The following NANS variants were observed in gnomAD, a reference collection of about 807,000 sequenced individuals.
NANS encodes the protein N-acetylneuraminate-9-phosphate synthase.
Under a neutral mutation model 33.3 loss-of-function variants are expected in NANS, and 29 were observed. The observed-to-expected ratio is 0.87, with a 90% CI of 0.65 to 1.19. NANS has a LOEUF of 1.19. Ranked by LOEUF, NANS falls within the 50% of genes most tolerant of loss-of-function variation. NANS has a pLI of 0.00. For synonymous variants in NANS, 163 were observed against 177.2 expected (o/e 0.92, Z 0.64); for missense variants, 394 against 461.1 (o/e 0.85, Z 1.33).
chr9:98,063,677 G>T (rs1829052054), intron 2 of NANS, among the ~76,000 whole-genome samples: 1 of 152,096 alleles, frequency 6.6e-6, no homozygotes, highest in Admixed American at 6.6e-5. Context: ...GAGTAGCTGG[G>T]ACTACAGGCA....
In NANS at chr9:98,056,785, G is replaced by A. The variant is rs751762509; in HGVS notation, c.-24G>A. 20 of 1,608,662 alleles carry A rather than the reference G, an allele frequency of 1.2e-5. No individual in the cohort carries two copies. Among genetic ancestry groups the A allele is most frequent in the Non-Finnish European group, 1.6e-5 (19 of 1,178,698 alleles). On this transcript the variant is annotated 5_prime_UTR_variant, in exon 1 of 6. Transcript: ENST00000210444. ...GCGGCCGGACCCAGACTGGTAGTGA[G>A]GCTTTGGACCCCGAGCCGCTGCAAT...
At chr9:98,057,426 A>G (rs1203432158) in intron 1 of NANS, among the ~76,000 whole-genome samples, 1 of 152,092 alleles carries the variant, frequency 6.6e-6, no homozygotes, top group Non-Finnish European at 1.5e-5. Context: ...TTCCCTGTAT[A>G]TGAAATATGA....
intron 2 of NANS, chr9:98,074,948 TC>T (rs1372389292): frequency 2.0e-5 from 3 of 152,150 alleles, no homozygotes; most frequent in African/African-American, 7.2e-5. Flanking sequence ...TGATGTTTTT[TC>T]AGTTCTGTCT....
At chr9:98,070,097 T>C (rs541885145) in intron 2 of NANS, among the ~76,000 whole-genome samples, 1 of 152,294 alleles carries the variant, frequency 6.6e-6, no homozygotes, top group South Asian at 2.1e-4. Flanking sequence ...AGTTTAAAAT[T>C]AAGAAAAGAT....
rs538266228 is a variant in NANS at position 98,078,530 on chromosome 9, G to A, written c.603+183G>A. Among the ~76,000 whole-genome samples, 4 of 152,080 alleles carry A rather than the reference G, an allele frequency of 2.6e-5. No individual in the cohort carries two copies. The East Asian group carries it at 5.8e-4, about 22-fold the overall frequency. ...GAGGAAGCACATACATTCTAAAGAG[G>A]GTGACTGTAAATGAAATTTTCTTGG... is the stretch of plus-strand genomic sequence containing the variant. On this transcript the variant is annotated intron_variant, in intron 4 of 5. Transcript: ENST00000210444.
intron 2 of NANS, among the ~76,000 whole-genome samples, chr9:98,066,343 A>G (rs567719759): frequency 2.0e-3 from 297 of 152,274 alleles, no homozygotes; most frequent in African/African-American, 6.9e-3. Flanking sequence ...CCTTTCCATC[A>G]TCATTCTCAC....
In NANS at chr9:98,078,294, T is replaced by C; in HGVS notation, c.550T>C (p.Cys184Arg). The change falls in exon 4 of 6, where the codon TGT (cysteine) becomes CGT (arginine). Residue 184 changes from cysteine (C) to arginine (R), a missense_variant. Transcript: ENST00000210444. ...CAACCCCAACTTCTGCTTCTTGCAGTGTACCAGCGCATACCCGCTCCAGCC... is the reference window on the plus strand; with the variant it reads ...CAACCCCAACTTCTGCTTCTTGCAGCGTACCAGCGCATACCCGCTCCAGCC... ...PLNPNFCFLQ[C>R]TSAYPLQPED... 2.5e-6 allele frequency: 4 copies of C among 1,613,906 alleles called. No individual in the cohort carries two copies. Among genetic ancestry groups the C allele is most frequent in the South Asian group, 1.1e-5 (1 of 91,072 alleles).
intron 2 of NANS, among the ~76,000 whole-genome samples, chr9:98,068,123 T>C (rs1341516653): frequency 1.3e-5 from 2 of 152,160 alleles, no homozygotes; most frequent in East Asian, 3.9e-4. Context: ...TATTTATATG[T>C]TTAAAAATTT....
At chr9:98,068,760 G>A (rs1829224614) in intron 2 of NANS, among the ~76,000 whole-genome samples, 1 of 151,486 alleles carries the variant, frequency 6.6e-6, no homozygotes, top group South Asian at 2.1e-4. Flanking sequence ...GCTTGAGGCT[G>A]TGGTAAGCCA....
chr9:98,076,948 G>A lies in NANS; in HGVS notation c.379G>A (p.Val127Ile), dbSNP rs368710313. The change falls in exon 3 of 6, where the codon GTT (valine) becomes ATT (isoleucine). Residue 127 changes from valine (V) to isoleucine (I), a missense_variant. Val to Ile is a conservative substitution (Grantham distance 29). Transcript: ENST00000210444. ...MAVEFLHELN[V>I]PFFKVGSGDT... Reference sequence around the variant, plus strand: ...AGTTGAATTCCTGCATGAACTGAATGTTCCATTTTTCAAAGTTGGATCTGG... The same window carrying A: ...AGTTGAATTCCTGCATGAACTGAATATTCCATTTTTCAAAGTTGGATCTGG... The A allele has an allele frequency of 2.2e-5, 35 of 1,612,126 alleles. No homozygotes were observed. In the African/African-American group the frequency reaches 4.1e-4, roughly 19 times the overall value.
intron 5 of NANS, among the ~76,000 whole-genome samples, chr9:98,082,431 G>A (rs912448939): frequency 6.6e-6 from 1 of 152,142 alleles, no homozygotes; most frequent in Non-Finnish European, 1.5e-5. Flanking sequence ...TGAGCTGAAT[G>A]GTAACCAAAA....
chr9:98,062,210 TAA>T (rs112548147), intron 2 of NANS, among the ~76,000 whole-genome samples: 8 of 133,708 alleles, frequency 6.0e-5, no homozygotes, highest in Non-Finnish European at 4.9e-5. Context: ...TGTCTCTTAA[TAA>T]AAAAAAAAAA....
At chr9:98,080,035 G>A (rs1338867554) in intron 4 of NANS, among the ~76,000 whole-genome samples, 2 of 152,158 alleles carry the variant, frequency 1.3e-5, no homozygotes, top group Non-Finnish European at 2.9e-5. Context: ...CCAATGTGGC[G>A]AAACCCTGTC....
chr9:98,079,335 A>G (rs1829743445), intron 4 of NANS, among the ~76,000 whole-genome samples: 1 of 152,108 alleles, frequency 6.6e-6, no homozygotes, highest in Non-Finnish European at 1.5e-5. Flanking sequence ...CATTAATGGA[A>G]TTCTATCTAT....
intron 1 of NANS, among the ~76,000 whole-genome samples, 190 bp from the exon 2 acceptor site, chr9:98,060,592 C>T (rs1365749382): frequency 6.6e-6 from 1 of 152,082 alleles, no homozygotes; most frequent in Admixed American, 6.6e-5. Context: ...ATGGCTTGAA[C>T]CCGGGAGGCA....
intron 1 of NANS, among the ~76,000 whole-genome samples, chr9:98,058,234 A>G (rs1828884526): frequency 6.6e-6 from 1 of 152,262 alleles, no homozygotes; most frequent in Admixed American, 6.5e-5. Flanking sequence ...TTCCTTCGGG[A>G]CTGGTTTTAT....
intron 2 of NANS, among the ~76,000 whole-genome samples, chr9:98,061,941 C>A (rs2224773): frequency 0.38 from 56,904 of 150,968 alleles, 12,761 homozygotes; most frequent in African/African-American, 0.62. Flanking sequence ...GGAACCAGGG[C>A]CTGGGTGTGG....
rs34342219 is a variant in NANS, at chr9:98,083,020, T to C, written c.1045T>C (p.Leu349=). The C allele has an allele frequency of 4.5e-4, 720 of 1,614,070 alleles. 1 individual carries two copies. In the African/African-American group the frequency reaches 5.6e-3, roughly 12 times the overall value. Reference sequence around the variant, plus strand: ...AGAGGATGACACCATCATGGAAGAATTGGTAGATAATCATGGCAAAAAAAT... The same window carrying C: ...AGAGGATGACACCATCATGGAAGAACTGGTAGATAATCATGGCAAAAAAAT... ...VEEDDTIMEE[L]VDNHGKKIKS The change falls in exon 6 of 6, where the codon TTG becomes CTG. Residue 349 remains leucine (L), a synonymous_variant. Coordinates refer to ENST00000210444, the MANE Select transcript of NANS (RefSeq NM_018946.4).
chr9:98,056,819 A>G lies in NANS; in HGVS notation c.11A>G (p.Glu4Gly), dbSNP rs937993978. 6.2e-7 allele frequency: 1 copy of G among 1,608,312 alleles called. No individual in the cohort carries two copies. The highest frequency in any genetic ancestry group is 8.5e-7 in the Non-Finnish European group (1 of 1,177,322). The change falls in exon 1 of 6, where the codon GAG becomes GGG. Residue 4 changes from glutamate (E) to glycine (G), a missense_variant. Coordinates refer to ENST00000210444, the MANE Select transcript of NANS (RefSeq NM_018946.4). The part of the protein sequence containing the change: MPL[E>G]LELCPGRWVG... ...CCCCGAGCCGCTGCAATGCCGCTGG[A>G]GCTGGAGCTGTGTCCCGGGCGCTGG...
Sources: allele counts gnomAD v4.1 joint callset (sites outside exome capture counted in the v4.1 genomes callset), GRCh38; gene constraint gnomAD v4.1.1; transcripts MANE v1.5; gene names NCBI Gene and HGNC (gene_info 2026-07-23, HGNC 2026-07-21).